The following NFIB variants were observed in gnomAD, a reference collection of about 807,000 sequenced individuals.
The protein encoded by NFIB is nuclear factor 1 B-type.
A neutral mutation model predicts 61.5 loss-of-function variants in NFIB; 11 were observed. The observed-to-expected ratio is 0.18, with a 90% CI of 0.11 to 0.30. The LOEUF is 0.30. Ranked by LOEUF, NFIB falls within the 10% of genes least tolerant of loss-of-function variation. The probability of loss-of-function intolerance (pLI) is 1.00; values close to 1 mark genes in which losing one functional copy is unlikely to be tolerated. For synonymous variants in NFIB, 260 were observed against 216.5 expected, an observed-to-expected ratio of 1.20 and a Z score of -1.76; for missense variants, 471 against 608.9, an observed-to-expected ratio of 0.77 and a Z score of 2.38.
intron 10 of NFIB, among the ~76,000 whole-genome samples, chr9:14,105,287 T>C (rs55722858): frequency 0.014 from 2,078 of 152,324 alleles, 24 homozygotes; most frequent in Middle Eastern, 0.024. Context: ...CAGAAAAATA[T>C]GCTTAAGTAC....
chr9:14,471,624 G>C, the NFIB span, among the ~76,000 whole-genome samples: 2 of 152,194 alleles, frequency 1.3e-5, no homozygotes, highest in African/African-American at 4.8e-5. Flanking sequence ...TATCTACATA[G>C]TTCCCTTTAC....
intron 6 of NFIB, among the ~76,000 whole-genome samples, chr9:14,132,583 T>C (rs1464710353): frequency 1.3e-5 from 2 of 152,180 alleles, no homozygotes; most frequent in East Asian, 1.9e-4. Flanking sequence ...ATTTATTTAA[T>C]TATTTTAGAG....
chr9:14,472,256 C>A, the NFIB span, among the ~76,000 whole-genome samples: 12 of 152,280 alleles, frequency 7.9e-5, no homozygotes, highest in African/African-American at 2.9e-4. Context: ...CTGAAATACT[C>A]CCAGACTAGG....
intron 2 of NFIB, among the ~76,000 whole-genome samples, chr9:14,255,993 G>C (rs2056184912): frequency 1.3e-5 from 2 of 152,200 alleles, no homozygotes; most frequent in South Asian, 4.1e-4. Context: ...CCACCTATTA[G>C]CTGTGTGATC....
chr9:14,297,514 TAAC>T (rs2059510132), intron 2 of NFIB, among the ~76,000 whole-genome samples: 1 of 152,078 alleles, frequency 6.6e-6, no homozygotes, highest in Non-Finnish European at 1.5e-5. Flanking sequence ...AACACAACAG[TAAC>T]AAACAAACAA....
chr9:14,300,367 A>C, intron 2 of NFIB: 1 of 396,642 alleles, frequency 2.5e-6, no homozygotes, highest in Non-Finnish European at 4.4e-6. Context: ...ATTTGCTTTG[A>C]ACATTATGTT....
chr9:14,228,531 G>A (rs555996229), intron 2 of NFIB, among the ~76,000 whole-genome samples: 2 of 152,152 alleles, frequency 1.3e-5, no homozygotes, highest in East Asian at 1.9e-4. Context: ...TGTTCCACTC[G>A]AACCCATTTA....
In NFIB at chr9:14,323,835, T is replaced by TC. The variant is rs2060718538; in HGVS notation, c.109-16316dup. On this transcript the variant is annotated intron_variant, in intron 1 of 8. Transcript: ENST00000380934. ...GCCTTATTACCAAAAAAAAGTTTTT[T>TC]CCCCTTGTATACACATCATACATAC... is the stretch of plus-strand genomic sequence containing the variant. Among the ~76,000 whole-genome samples the TC allele has an allele frequency of 5.3e-5, 8 of 152,372 alleles. No individual in the cohort carries two copies. The South Asian group carries it at 1.0e-3, about 20-fold the overall frequency.
chr9:14,161,721 T>C (rs778467612), intron 3 of NFIB, among the ~76,000 whole-genome samples: 1 of 152,298 alleles, frequency 6.6e-6, no homozygotes, highest in Non-Finnish European at 1.5e-5. Context: ...AATAAACAAA[T>C]AGCACTGTAA....
chr9:14,289,603 A>C (rs563252486), intron 2 of NFIB, among the ~76,000 whole-genome samples: 58 of 152,082 alleles, frequency 3.8e-4, no homozygotes, highest in African/African-American at 1.3e-3. Context: ...ATGCACATAC[A>C]TATACATACA....
chr9:14,354,875 G>A (rs1429361171), intron 1 of NFIB, among the ~76,000 whole-genome samples: 1 of 151,700 alleles, frequency 6.6e-6, no homozygotes, highest in Non-Finnish European at 1.5e-5. Flanking sequence ...TTACAGATGT[G>A]AAGGGAGTGT....
chr9:14,268,971 A>G (rs1448377825), intron 2 of NFIB, among the ~76,000 whole-genome samples: 1 of 152,238 alleles, frequency 6.6e-6, no homozygotes, highest in South Asian at 2.1e-4. Flanking sequence ...GATAGTATCA[A>G]TCTCCACTTA....
the NFIB span, among the ~76,000 whole-genome samples, chr9:14,495,380 C>A: frequency 6.6e-6 from 1 of 151,126 alleles, no homozygotes; most frequent in African/African-American, 2.4e-5. Flanking sequence ...ATTTCAGGAA[C>A]AGCAGAGCTA....
At chr9:14,237,137 T>C (rs1466281898) in intron 2 of NFIB, among the ~76,000 whole-genome samples, 1 of 152,168 alleles carries the variant, frequency 6.6e-6, no homozygotes, top group Non-Finnish European at 1.5e-5. Flanking sequence ...ACATAAACAA[T>C]TGAATTTAGC....
Position 14,112,982 on chromosome 9 carries a change from G to T in NFIB, c.1467+17C>A. On this transcript the variant is annotated intron_variant, in intron 10 of 10. Coordinates refer to ENST00000380953, the MANE Select transcript of NFIB (RefSeq NM_001190737.2). Reference sequence around the variant, plus strand: ...AAAGCGTGGCTACACCGTCACACCTGGGTGAAACTTGCCCACCTGTTGCTG... The same window carrying T: ...AAAGCGTGGCTACACCGTCACACCTTGGTGAAACTTGCCCACCTGTTGCTG... The T allele has an allele frequency of 6.5e-7, 1 of 1,548,994 alleles. No individual in the cohort carries two copies. Among genetic ancestry groups the T allele is most frequent in the Non-Finnish European group, 8.7e-7 (1 of 1,145,868 alleles).
chr9:14,462,206 C>T, the NFIB span, among the ~76,000 whole-genome samples: 1 of 152,154 alleles, frequency 6.6e-6, no homozygotes, highest in African/African-American at 2.4e-5. Flanking sequence ...AAAATATATT[C>T]TTTGGTTTCT....
the NFIB span, among the ~76,000 whole-genome samples, chr9:14,424,875 G>A: frequency 6.6e-6 from 1 of 152,180 alleles, no homozygotes; most frequent in Non-Finnish European, 1.5e-5. Context: ...GGCAAGAAGA[G>A]GAAGTGGGAA....
intron 2 of NFIB, among the ~76,000 whole-genome samples, chr9:14,246,292 C>G (rs142492646): frequency 6.6e-6 from 1 of 152,226 alleles, no homozygotes; most frequent in Non-Finnish European, 1.5e-5. Flanking sequence ...TTCTAAACTC[C>G]GACCCATTAG....
At chr9:14,276,763 G>C (rs1433694245) in intron 2 of NFIB, among the ~76,000 whole-genome samples, 1 of 152,020 alleles carries the variant, frequency 6.6e-6, no homozygotes, top group Non-Finnish European at 1.5e-5. Context: ...TCACACGAAA[G>C]GTTTCTTAGG....
Sources: allele counts gnomAD v4.1 joint callset (sites outside exome capture counted in the v4.1 genomes callset), GRCh38; gene constraint gnomAD v4.1.1; transcripts MANE v1.5; gene names NCBI Gene and HGNC (gene_info 2026-07-23, HGNC 2026-07-21).